AMER1: variants seen among roughly 807,000 people sequenced by gnomAD.
AMER1 encodes RP11-403E24.2.
AMER1 carries 16 observed loss-of-function variants against 53.0 expected under a neutral mutation model. The ratio of observed to expected loss-of-function variants is 0.30; its 90% CI spans 0.20 to 0.46. AMER1 has a LOEUF of 0.46. Among genes scored for constraint, AMER1 ranks in the 20% least tolerant of loss-of-function variants. The probability of loss-of-function intolerance (pLI) is 1.00; values close to 1 mark genes in which losing one functional copy is unlikely to be tolerated. For synonymous variants in AMER1, 354 were observed against 331.9 expected (o/e 1.07, Z -0.73); for missense variants, 947 against 884.9 (o/e 1.07, Z -0.89).
intron 1 of AMER1, among the ~76,000 whole-genome samples, chrX:64,204,648 G>A (rs1330795835): frequency 8.8e-6 from 1 of 113,430 alleles, no homozygotes; most frequent in Non-Finnish European, 1.9e-5. Context: ...CTCTGGCAAG[G>A]AAATGCCCCC....
rs779239564 is a variant in AMER1, at chrX:64,190,701, C to A, written c.2586G>T (p.Leu862=). 4 of 1,209,996 alleles carry A rather than the reference C, an allele frequency of 3.3e-6. No homozygotes were observed. Among genetic ancestry groups the A allele is most frequent in the Non-Finnish European group, 4.5e-6 (4 of 894,630 alleles). Residue 862 remains leucine (L), a synonymous_variant, in exon 2 of 2, where the codon CTG becomes CTT. Coordinates refer to ENST00000374869, the MANE Select transcript of AMER1 (RefSeq NM_152424.4). ...GAGGGAGGCTGCTCACACCCCAGGGCAGGCCTTGGTAGAATCGACTATGGT... is the reference window on the plus strand; with the variant it reads ...GAGGGAGGCTGCTCACACCCCAGGGAAGGCCTTGGTAGAATCGACTATGGT... ...NNYHSRFYQG[L]PWGVSSLPRY...
chrX:64,193,287 G>T lies in AMER1; in HGVS notation c.-1C>A, dbSNP rs1439871070. On this transcript the variant is annotated 5_prime_UTR_variant, in exon 2 of 2. Transcript: ENST00000374869. Reference sequence around the variant, plus strand: ...CAGCTTCATCCTTTTGGGTCTCCATGATGATGGGGACAACTGAGGTACGTC... The same window carrying T: ...CAGCTTCATCCTTTTGGGTCTCCATTATGATGGGGACAACTGAGGTACGTC... The T allele has an allele frequency of 5.8e-6, 7 of 1,209,638 alleles. No individual in the cohort carries two copies. The highest frequency in any genetic ancestry group is 6.7e-6 in the Non-Finnish European group (6 of 895,187).
chrX:64,188,297 C>T lies in AMER1; in HGVS notation c.*1582G>A. On this transcript the variant is annotated 3_prime_UTR_variant, in exon 2 of 2. Coordinates refer to ENST00000374869, the MANE Select transcript of AMER1 (RefSeq NM_152424.4). Reference sequence around the variant, plus strand: ...GCAAAAAATGTTCCATATGCCATTTCCAATAAAGACATGTAAAAGGAACCC... The same window carrying T: ...GCAAAAAATGTTCCATATGCCATTTTCAATAAAGACATGTAAAAGGAACCC... The T allele has an allele frequency of 3.7e-6, 3 of 801,561 alleles. No individual in the cohort carries two copies. Among genetic ancestry groups the T allele is most frequent in the Non-Finnish European group, 4.5e-6 (3 of 668,245 alleles). 66.1% of individuals were successfully genotyped at this position (801,561 alleles called of 1,213,427 possible).
chrX:64,203,832 C>A (rs1930541085), intron 1 of AMER1, among the ~76,000 whole-genome samples: 1 of 111,583 alleles, frequency 9.0e-6, no homozygotes, highest in Non-Finnish European at 1.9e-5. Context: ...GCTAGAGATG[C>A]CCAGCTGCAA....
chrX:64,187,314 A>T lies in AMER1; in HGVS notation c.*2565T>A. 1.3e-6 allele frequency: 1 copy of T among 790,367 alleles called. No homozygotes were observed. The highest frequency in any genetic ancestry group is 1.5e-6 in the Non-Finnish European group (1 of 660,939). The allele number at this position is 790,367 out of a possible 1,213,427, so 65.1% of individuals were successfully genotyped here. A position where few individuals can be genotyped will look rare whatever the true frequency, so the allele number is the denominator to read the frequency against. On this transcript the variant is annotated 3_prime_UTR_variant, in exon 2 of 2. Transcript: ENST00000374869. ...CCTGGCTGCCCCACTTCAGGTGGTA[A>T]GGATCCTATTCCTGGGCTGGCTAGG...
In AMER1 at chrX:64,186,652, A is replaced by G. The variant is rs941942005; in HGVS notation, c.*3227T>C. On this transcript the variant is annotated 3_prime_UTR_variant, in exon 2 of 2. Coordinates refer to ENST00000374869, the MANE Select transcript of AMER1 (RefSeq NM_152424.4). ...GTGAAGCTACTTCCCTTCTTGGCAT[A>G]GGACTAAGGAGGGAGAGAGACTGGT... 1.0e-5 allele frequency: 8 copies of G among 771,258 alleles called. No homozygotes were observed. Among genetic ancestry groups the G allele is most frequent in the Non-Finnish European group, 1.2e-5 (8 of 650,140 alleles). 63.6% of individuals were successfully genotyped at this position (771,258 alleles called of 1,213,427 possible).
At position 64,189,851 on chromosome X, in the gene AMER1, CG is replaced by C; in HGVS notation, c.*27del. 8.4e-7 allele frequency: 1 copy of C among 1,193,682 alleles called. No individual in the cohort carries two copies. Among genetic ancestry groups the C allele is most frequent in the Non-Finnish European group, 1.1e-6 (1 of 889,313 alleles). ...GATCCCCATTCACATGCTCAGGCCC[CG>C]TGTCCCTACTCCAGAATTGATAATA... On this transcript the variant is annotated 3_prime_UTR_variant, in exon 2 of 2. Coordinates refer to ENST00000374869, the MANE Select transcript of AMER1 (RefSeq NM_152424.4).
At chrX:64,197,810 A>G (rs1930406497) in intron 1 of AMER1, among the ~76,000 whole-genome samples, 1 of 112,579 alleles carries the variant, frequency 8.9e-6, no homozygotes, top group Non-Finnish European at 1.9e-5. Flanking sequence ...TCCCATGTTT[A>G]TGCCTCAATT....
rs2147084699 is a variant in AMER1 at position 64,190,248 on chromosome X, A to C, written c.3039T>G (p.Pro1013=). The C allele has an allele frequency of 8.3e-7, 1 of 1,212,028 alleles. No homozygotes were observed. Among genetic ancestry groups the C allele is most frequent in the South Asian group, 1.8e-5 (1 of 56,962 alleles). Residue 1013 remains proline, a synonymous_variant, in exon 2 of 2, where the codon CCT becomes CCG. Coordinates refer to ENST00000374869, the MANE Select transcript of AMER1 (RefSeq NM_152424.4). The stretch of plus-strand genomic sequence containing the variant: ...GAGCTAGTTGAGGCCCAGATTCCCC[A>C]GGTGCCCTTGACTCTGGCACTGATA... ...ISLSVPESRA[P]GESGPQLARP... is the part of the protein sequence containing the mutation.
rs867700321 is a variant in AMER1, at chrX:64,186,220, C to T, written c.*3659G>A. 1.2e-5 allele frequency: 14 copies of T among 1,184,763 alleles called. No homozygotes were observed. The highest frequency in any genetic ancestry group is 2.3e-4 in the Middle Eastern group (1 of 4,277). On this transcript the variant is annotated 3_prime_UTR_variant, in exon 2 of 2. Coordinates refer to ENST00000374869, the MANE Select transcript of AMER1 (RefSeq NM_152424.4). ...GGAGGGAACGGACAGTGTGGTACAGCTAAGGTAGGGAGAGGGGAAAGAGGG... is the reference window on the plus strand; with the variant it reads ...GGAGGGAACGGACAGTGTGGTACAGTTAAGGTAGGGAGAGGGGAAAGAGGG...
Position 64,189,792 on chromosome X carries a change from A to ATGGGGGGGGGC in AMER1, c.*86_*87insGCCCCCCCCCA. The ATGGGGGGGGGC allele has an allele frequency of 1.3e-6, 1 of 746,979 alleles. No individual in the cohort carries two copies. Among genetic ancestry groups the ATGGGGGGGGGC allele is most frequent in the Non-Finnish European group, 1.7e-6 (1 of 590,434 alleles). 61.6% of individuals were successfully genotyped at this position (746,979 alleles called of 1,213,427 possible). A position where few individuals can be genotyped will look rare whatever the true frequency, so the allele number is the denominator to read the frequency against. On this transcript the variant is annotated 3_prime_UTR_variant, in exon 2 of 2. Transcript: ENST00000374869. ...CCAAAGGGTTTTCAAGTTAAACAACAACCCCCACCCCCCCACCCTTCTGCC... is the reference window on the plus strand; with the variant it reads ...CCAAAGGGTTTTCAAGTTAAACAACATGGGGGGGGGCACCCCCACCCCCCCACCCTTCTGCC...
chrX:64,198,702 G>A lies in AMER1; in HGVS notation c.-98-5318C>T, dbSNP rs756785539. 5.4e-5 allele frequency among the ~76,000 whole-genome samples: 6 copies of A among 111,068 alleles called. No homozygotes were observed. In the East Asian group the frequency reaches 1.7e-3, roughly 32 times the overall value. ...GTCCTCACTGGTTGCCACTGTTTGG[G>A]TCCTACCAAACACATTCCAGGAAGC... On this transcript the variant is annotated intron_variant, in intron 1 of 1. Transcript: ENST00000374869.
intron 1 of AMER1, among the ~76,000 whole-genome samples, chrX:64,198,107 T>C (rs1930413560): frequency 8.9e-6 from 1 of 111,761 alleles, no homozygotes; most frequent in Non-Finnish European, 1.9e-5. Flanking sequence ...TAAATGAAGA[T>C]AACTGTGTGG....
rs201650985 is a variant in AMER1, at chrX:64,193,057, C to T, written c.230G>A (p.Arg77Gln). ...GCTGCCTTTCCCAGAACCTTTGCTC[C>T]GTCCCCCTCCAAAGAAACTAGGCAG... ...CTLPSFFGGG[R>Q]SKGSGKGSSK... The change falls in exon 2 of 2, where the codon CGG (arginine) becomes CAG (glutamine). Residue 77 changes from arginine (R) to glutamine (Q), a missense_variant. By Grantham distance (43) the Arg-to-Gln change is conservative (BLOSUM62 1). Coordinates refer to ENST00000374869, the MANE Select transcript of AMER1 (RefSeq NM_152424.4). 50 of 1,210,115 alleles carry T rather than the reference C, an allele frequency of 4.1e-5. No homozygotes were observed. Among genetic ancestry groups the T allele is most frequent in the East Asian group, 5.9e-5 (2 of 33,762 alleles).
At chrX:64,203,190 C>T (rs866876272) in intron 1 of AMER1, among the ~76,000 whole-genome samples, 28 of 112,122 alleles carry the variant, frequency 2.5e-4, no homozygotes, top group Middle Eastern at 4.6e-3. Context: ...CTGAGCATTC[C>T]AAATCCTGGG....
rs745699635 is a variant in AMER1 at position 64,189,851 on chromosome X, C to T, written c.*28G>A. 12 of 1,188,041 alleles carry T rather than the reference C, an allele frequency of 1.0e-5. No individual in the cohort carries two copies. In the African/African-American group the frequency reaches 1.5e-4, roughly 15 times the overall value. ...GATCCCCATTCACATGCTCAGGCCC[C>T]GTGTCCCTACTCCAGAATTGATAAT... is the stretch of plus-strand genomic sequence containing the variant. On this transcript the variant is annotated 3_prime_UTR_variant, in exon 2 of 2. Transcript: ENST00000374869.
chrX:64,195,372 C>T (rs755762056), intron 1 of AMER1, among the ~76,000 whole-genome samples: 16 of 111,967 alleles, frequency 1.4e-4, no homozygotes, highest in Non-Finnish European at 2.1e-4. Context: ...AATTCTATTC[C>T]CCTCTGGAAT....
chrX:64,193,202 C>T lies in AMER1; in HGVS notation c.85G>A (p.Ala29Thr), dbSNP rs138399473. The change falls in exon 2 of 2, where the codon GCC (alanine) becomes ACC (threonine). Residue 29 changes from alanine to threonine, a missense_variant. Transcript: ENST00000374869. ...GTCGCCTCAGCTGCCTTGTTCTTGG[C>T]TCCTTTTTCTGCTGTTTGTTCACGG... ...STREQTAEKG[A>T]KNKAAEATEG... 1,440 of 1,210,350 alleles carry T rather than the reference C, an allele frequency of 1.2e-3. 16 individuals carry two copies. In the East Asian group the frequency reaches 0.03, roughly 25 times the overall value.
At position 64,191,396 on chromosome X, in the gene AMER1, G is replaced by T. The variant is rs2147087220; in HGVS notation, c.1891C>A (p.Arg631=). ...TGAGTCTCTCTACAACGAACCTCTC[G>T]GGCCTGGGCTTCTCGGGTTCTGGCC... is the stretch of plus-strand genomic sequence containing the variant. ...REARTREAQA[R]EVRCRETQVR... Residue 631 remains arginine (R), a synonymous_variant, in exon 2 of 2, where the codon CGA becomes AGA. Transcript: ENST00000374869. 8.3e-7 allele frequency: 1 copy of T among 1,211,402 alleles called. No individual in the cohort carries two copies. Among genetic ancestry groups the T allele is most frequent in the Non-Finnish European group, 1.1e-6 (1 of 895,400 alleles).
Sources: gnomAD v4.1 joint callset for allele counts (sites outside exome capture counted in the v4.1 genomes callset) on GRCh38, gnomAD v4.1.1 for gene constraint, MANE v1.5 for transcripts, NCBI Gene and HGNC (gene_info 2026-07-23, HGNC 2026-07-21) for gene names.